KDM2B: variants seen among roughly 807,000 people sequenced by gnomAD.
KDM2B encodes the protein lysine demethylase 2B.
In KDM2B, 26 loss-of-function variants were observed where a neutral mutation model predicts 150.0. The observed-to-expected ratio is 0.17, with a 90% CI of 0.13 to 0.24. The LOEUF (loss-of-function observed/expected upper bound fraction) is 0.24. Ranked by LOEUF, KDM2B falls within the 10% of genes least tolerant of loss-of-function variation. KDM2B has a pLI of 1.00. For synonymous variants in KDM2B, 734 were observed against 729.5 expected, an observed-to-expected ratio of 1.01 and a Z score of -0.10; for missense variants, 1,265 against 1,816.9, an observed-to-expected ratio of 0.70 and a Z score of 5.52.
rs537834440 is a variant in KDM2B at position 121,557,848 on chromosome 12, A to G, written c.398-8210T>C. Among the ~76,000 whole-genome samples, 3 of 152,310 alleles carry G rather than the reference A, an allele frequency of 2.0e-5. No homozygotes were observed. In the East Asian group the frequency reaches 5.8e-4, roughly 29 times the overall value. On this transcript the variant is annotated intron_variant, in intron 4 of 22. Coordinates refer to ENST00000377071, the MANE Select transcript of KDM2B (RefSeq NM_032590.5). The stretch of plus-strand genomic sequence containing the variant: ...GGAAACTAATCGAAGGGTTAGTGAG[A>G]GAATGACTGGGTATACCTACATGGC...
chr12:121,422,573 A>G, the KDM2B span, among the ~76,000 whole-genome samples: 1 of 152,210 alleles, frequency 6.6e-6, no homozygotes, highest in Admixed American at 6.5e-5. Context: ...GAATGGCAGT[A>G]AAACATTTCT....
At chr12:121,462,599 T>G (rs1199831704) in intron 12 of KDM2B, among the ~76,000 whole-genome samples, 1 of 152,042 alleles carries the variant, frequency 6.6e-6, no homozygotes, top group Non-Finnish European at 1.5e-5. Flanking sequence ...GTTCAAGCGA[T>G]TCTCTTACCT....
the KDM2B span, chr12:121,416,078 T>C: frequency 3.2e-5 from 37 of 1,166,436 alleles, no homozygotes; most frequent in East Asian, 8.5e-4. Flanking sequence ...AACTTACCTC[T>C]CCAGAATAGC....
Position 121,549,428 on chromosome 12 carries a change from A to G in KDM2B, c.576+32T>C. On this transcript the variant is annotated intron_variant, in intron 5 of 22. Coordinates refer to ENST00000377071, the MANE Select transcript of KDM2B (RefSeq NM_032590.5). The surrounding 1 kb of genome is among the most constrained non-coding windows in gnomAD (Gnocchi z 4.4). Reference sequence around the variant, plus strand: ...CAGGGAAGGAGATGAGGTGGAAGGTATCTGGGGAGGGTACCTGGGCCCCGG... The same window carrying G: ...CAGGGAAGGAGATGAGGTGGAAGGTGTCTGGGGAGGGTACCTGGGCCCCGG... The G allele has an allele frequency of 6.4e-7, 1 of 1,551,396 alleles. No homozygotes were observed. Among genetic ancestry groups the G allele is most frequent in the Non-Finnish European group, 8.8e-7 (1 of 1,139,834 alleles).
At chr12:121,535,921 A>T (rs539491927) in intron 6 of KDM2B, 38 of 360,426 alleles carry the variant, frequency 1.1e-4, no homozygotes, top group Non-Finnish European at 1.4e-4. Flanking sequence ...GCCCCTTCCC[A>T]CTAGAGCCCC....
chr12:121,516,479 T>G, intron 9 of KDM2B: 1 of 1,355,296 alleles, frequency 7.4e-7, no homozygotes, highest in Non-Finnish European at 9.7e-7. Flanking sequence ...AAACAGGTTG[T>G]CGCCTTCCAC....
At chr12:121,539,760 G>A (rs185602011) in intron 6 of KDM2B, among the ~76,000 whole-genome samples, 2,549 of 152,052 alleles carry the variant, frequency 0.017, 35 homozygotes, top group Non-Finnish European at 0.027. Context: ...TGTTTTTTAA[G>A]ACAGAGTCTT....
chr12:121,486,065 C>T (rs1453508954), intron 12 of KDM2B, among the ~76,000 whole-genome samples: 5 of 151,700 alleles, frequency 3.3e-5, no homozygotes, highest in Non-Finnish European at 7.4e-5. Context: ...GCGTGAGCCA[C>T]CATGCCCTGC....
chr12:121,474,006 T>C (rs1881063623), intron 12 of KDM2B, among the ~76,000 whole-genome samples: 1 of 152,122 alleles, frequency 6.6e-6, no homozygotes, highest in Admixed American at 6.6e-5. Context: ...TATGATGCCA[T>C]TTATATGAAA....
At chr12:121,536,548 G>A (rs1432235618) in intron 6 of KDM2B, among the ~76,000 whole-genome samples, 1 of 152,180 alleles carries the variant, frequency 6.6e-6, no homozygotes, top group Non-Finnish European at 1.5e-5. Flanking sequence ...AGGAAAGGGG[G>A]GGTCCTGAAG....
At chr12:121,447,511 A>G (rs1484460952) in intron 13 of KDM2B, among the ~76,000 whole-genome samples, 1 of 151,940 alleles carries the variant, frequency 6.6e-6, no homozygotes, top group African/African-American at 2.4e-5. Flanking sequence ...CCAAAGTGCC[A>G]GGATTACAGG....
At chr12:121,433,527 T>A (rs907662441) in intron 22 of KDM2B, among the ~76,000 whole-genome samples, 33 of 152,190 alleles carry the variant, frequency 2.2e-4, no homozygotes, top group African/African-American at 7.5e-4. Context: ...GCTTCAGGAA[T>A]AAATTTAACC....
At chr12:121,429,066 G>C (rs1593690265), downstream of KDM2B, 1 of 152,662 alleles carries the variant, frequency 6.6e-6, no homozygotes, top group South Asian at 2.1e-4. Flanking sequence ...CGCACCACAG[G>C]GTACATCAGA....
At chr12:121,435,143 G>C (rs919937339) in intron 22 of KDM2B, among the ~76,000 whole-genome samples, 1 of 151,936 alleles carries the variant, frequency 6.6e-6, no homozygotes, top group African/African-American at 2.4e-5. Context: ...AGACCAGTCT[G>C]GGCAACATAG....
At chr12:121,485,576 C>T (rs1013694630) in intron 12 of KDM2B, among the ~76,000 whole-genome samples, 4 of 151,984 alleles carry the variant, frequency 2.6e-5, no homozygotes, top group African/African-American at 9.7e-5. Context: ...GTCCCAACTT[C>T]ACACTATTCT....
At chr12:121,496,428 A>G (rs1409199431) in intron 11 of KDM2B, among the ~76,000 whole-genome samples, 2 of 148,994 alleles carry the variant, frequency 1.3e-5, no homozygotes, top group Non-Finnish European at 3.0e-5. Context: ...ATTTTAATTC[A>G]CCTTTCCTAA....
chr12:121,520,221 C>T lies in KDM2B; in HGVS notation c.1047+764G>A, dbSNP rs1566370131. ...TCTTCAGTTTTGACCCAGTTTGGGACCTGTCTTATGTGCCTAGGGACACGT... is the reference window on the plus strand; with the variant it reads ...TCTTCAGTTTTGACCCAGTTTGGGATCTGTCTTATGTGCCTAGGGACACGT... On this transcript the variant is annotated intron_variant, in intron 9 of 22. Transcript: ENST00000377071. This position sits in a 1 kb window ranked among gnomAD's most constrained non-coding sequence, Gnocchi z 4.5. Among the ~76,000 whole-genome samples the T allele has an allele frequency of 6.6e-6, 1 of 152,102 alleles. No homozygotes were observed. Among genetic ancestry groups the T allele is most frequent in the Non-Finnish European group, 1.5e-5 (1 of 68,034 alleles).
intron 6 of KDM2B, among the ~76,000 whole-genome samples, chr12:121,541,502 GA>G (rs201381091): frequency 9.4e-5 from 14 of 149,402 alleles, no homozygotes; most frequent in African/African-American, 2.7e-4. Context: ...AGATAAAAGA[GA>G]AAAAAAAAGA....
chr12:121,469,434 T>C (rs1387655085), intron 12 of KDM2B: 1 of 148,938 alleles, frequency 6.7e-6, no homozygotes, highest in African/African-American at 2.5e-5. Context: ...CTGGCCAACA[T>C]GGTGAAACCC....
Sources: allele counts gnomAD v4.1 joint callset (sites outside exome capture counted in the v4.1 genomes callset), GRCh38; gene constraint gnomAD v4.1.1; non-coding constraint Gnocchi (gnomAD v3.1); transcripts MANE v1.5; gene names NCBI Gene and HGNC (gene_info 2026-07-23, HGNC 2026-07-21).